Variants in SLC35F4 observed in about 807,000 individuals in gnomAD.
SLC35F4 encodes solute carrier family 35 member F4, also known as chromosome 14 open reading frame 36.
SLC35F4 carries 24 observed loss-of-function variants against 44.2 expected under a neutral mutation model. The observed-to-expected ratio is 0.54, with a 90% CI of 0.39 to 0.76. The LOEUF (loss-of-function observed/expected upper bound fraction) is 0.76. Among genes scored for constraint, SLC35F4 ranks in the 30% least tolerant of loss-of-function variants. The probability of loss-of-function intolerance (pLI) is 0.00; values close to 1 mark genes in which losing one functional copy is unlikely to be tolerated. For missense variants in SLC35F4, 562 were observed against 586.1 expected (o/e 0.96, Z 0.42); for synonymous variants, 238 against 223.6 (o/e 1.06, Z -0.57).
intron 1 of SLC35F4, among the ~76,000 whole-genome samples, chr14:57,731,362 T>A (rs1487187712): frequency 6.6e-6 from 1 of 152,236 alleles, no homozygotes; most frequent in Non-Finnish European, 1.5e-5. Flanking sequence ...CCCCAAACAT[T>A]ATTTTCTAAA....
intron 1 of SLC35F4, among the ~76,000 whole-genome samples, chr14:57,911,527 A>C (rs975990344): frequency 4.6e-5 from 7 of 152,014 alleles, no homozygotes; most frequent in Admixed American, 1.3e-4. Context: ...GCTTTTCTGC[A>C]TCTATTGATG....
intron 1 of SLC35F4, among the ~76,000 whole-genome samples, chr14:57,852,807 G>A (rs1886702434): frequency 6.7e-6 from 1 of 149,136 alleles, no homozygotes; most frequent in Non-Finnish European, 1.5e-5. Context: ...GATACCAAAG[G>A]CACATGACTT....
intron 1 of SLC35F4, among the ~76,000 whole-genome samples, chr14:57,677,305 A>G (rs2074725752): frequency 6.6e-6 from 1 of 152,010 alleles, no homozygotes; most frequent in Admixed American, 6.6e-5. Flanking sequence ...TATTAGGTAC[A>G]GGGTAAACTA....
intron 1 of SLC35F4, among the ~76,000 whole-genome samples, chr14:57,739,327 G>A (rs1016684): frequency 0.34 from 52,409 of 151,976 alleles, 10,049 homozygotes; most frequent in South Asian, 0.51. Flanking sequence ...GAGGACCAAC[G>A]GCATATCAAT....
At chr14:57,920,445 C>A (rs536148963) in intron 1 of SLC35F4, among the ~76,000 whole-genome samples, 1 of 152,192 alleles carries the variant, frequency 6.6e-6, no homozygotes, top group South Asian at 2.1e-4. Context: ...TGGTGACATG[C>A]CCCTGTAGTC....
At chr14:57,866,494 A>G (rs557391034), upstream of SLC35F4, among the ~76,000 whole-genome samples, 257 of 152,206 alleles carry the variant, frequency 1.7e-3, no homozygotes, top group Middle Eastern at 3.4e-3. Flanking sequence ...ATCTTTTTTT[A>G]TGAAATGACA....
intron 1 of SLC35F4, among the ~76,000 whole-genome samples, chr14:57,624,695 G>A (rs904209704): frequency 1.3e-5 from 2 of 152,134 alleles, no homozygotes; most frequent in African/African-American, 4.8e-5. Context: ...CAGAACCAAT[G>A]ACAAATATGA....
chr14:57,887,827 G>A (rs1430477135), intron 1 of SLC35F4, among the ~76,000 whole-genome samples: 1 of 152,184 alleles, frequency 6.6e-6, no homozygotes, highest in Non-Finnish European at 1.5e-5. Context: ...ATGCCTAACT[G>A]TGAAGTTTGC....
At chr14:57,588,294 T>C (rs1458107568) in intron 3 of SLC35F4, among the ~76,000 whole-genome samples, 1 of 152,182 alleles carries the variant, frequency 6.6e-6, no homozygotes, top group Non-Finnish European at 1.5e-5. Context: ...AAATTTATTC[T>C]GCTGAGGAAT....
intron 1 of SLC35F4, among the ~76,000 whole-genome samples, chr14:57,707,893 G>A (rs1299258073): frequency 6.6e-6 from 1 of 152,146 alleles, no homozygotes; most frequent in Non-Finnish European, 1.5e-5. Context: ...CCTTGGTGTA[G>A]GCCGAACTAA....
At chr14:57,813,405 T>TA (rs1595124809) in intron 1 of SLC35F4, among the ~76,000 whole-genome samples, 1 of 152,058 alleles carries the variant, frequency 6.6e-6, no homozygotes, top group East Asian at 1.9e-4. Flanking sequence ...GCCTGGCCTA[T>TA]ATGGTGAAAC....
At chr14:57,942,255 G>A (rs1889929505) in intron 1 of SLC35F4, among the ~76,000 whole-genome samples, 1 of 152,102 alleles carries the variant, frequency 6.6e-6, no homozygotes, top group East Asian at 1.9e-4. Context: ...TATTGCAAGG[G>A]AGAAATAACT....
At chr14:57,572,166 T>C (rs981090433) in intron 4 of SLC35F4, 147 bp from the exon 5 acceptor site, 1 of 892,522 alleles carries the variant, frequency 1.1e-6, no homozygotes, top group African/African-American at 1.7e-5. Context: ...AGGCTCAGTA[T>C]TAGAAATAAA....
chr14:57,871,271 C>G (rs1428345136), intron 1 of SLC35F4, among the ~76,000 whole-genome samples: 1 of 152,176 alleles, frequency 6.6e-6, no homozygotes, highest in East Asian at 1.9e-4. Context: ...GAAGATCAGA[C>G]CTCCTTGATG....
intron 1 of SLC35F4, among the ~76,000 whole-genome samples, chr14:57,665,396 C>T (rs1330781691): frequency 6.6e-6 from 1 of 152,074 alleles, no homozygotes; most frequent in Non-Finnish European, 1.5e-5. Context: ...AAACATCTTC[C>T]TTTACTACTC....
intron 1 of SLC35F4, among the ~76,000 whole-genome samples, chr14:57,786,377 C>A (rs769060698): frequency 6.6e-6 from 1 of 152,182 alleles, no homozygotes; most frequent in African/African-American, 2.4e-5. Flanking sequence ...GGGAGTTCTA[C>A]GGCCCCGCCC....
intron 1 of SLC35F4, among the ~76,000 whole-genome samples, chr14:57,873,367 T>C (rs1888334170): frequency 6.6e-6 from 1 of 152,200 alleles, no homozygotes; most frequent in Non-Finnish European, 1.5e-5. Flanking sequence ...CACCCAGGTA[T>C]TCATCATAGC....
intron 1 of SLC35F4, among the ~76,000 whole-genome samples, chr14:57,672,475 A>T (rs1358793297): frequency 1.3e-5 from 2 of 152,160 alleles, no homozygotes; most frequent in African/African-American, 4.8e-5. Context: ...TATGAAGGAA[A>T]AATTCAGGTC....
At position 57,872,162 on chromosome 14, in the gene SLC35F4, G is replaced by A. The variant is rs1223357048; in HGVS notation, n.282+109751C>T. ...ATCCACATCTTGAATGAGTACTATTGCCAAAAGCAATTTCAGAAATGACTT... is the reference window on the plus strand; with the variant it reads ...ATCCACATCTTGAATGAGTACTATTACCAAAAGCAATTTCAGAAATGACTT... On this transcript the variant is annotated intron_variant and non_coding_transcript_variant, in intron 1 of 1. Coordinates refer to the SLC35F4 transcript ENST00000556568. Among the ~76,000 whole-genome samples, 3 of 152,182 alleles carry A rather than the reference G, an allele frequency of 2.0e-5. No homozygotes were observed. In the East Asian group the frequency reaches 5.8e-4, roughly 29 times the overall value.
Sources: gnomAD v4.1 joint callset for allele counts (sites outside exome capture counted in the v4.1 genomes callset) on GRCh38, gnomAD v4.1.1 for gene constraint, MANE v1.5 for transcripts, NCBI Gene and HGNC (gene_info 2026-07-23, HGNC 2026-07-21) for gene names.